The following KDM5B variants were observed in gnomAD, a reference collection of about 807,000 sequenced individuals.
KDM5B encodes the protein lysine-specific demethylase 5B.
A neutral mutation model predicts 193.4 loss-of-function variants in KDM5B; 144 were observed. That is an observed-to-expected ratio of 0.74 (90% CI 0.65 to 0.86). The LOEUF (loss-of-function observed/expected upper bound fraction) is 0.86, where lower values mean the gene tolerates loss of function less well. KDM5B is among the 40% of genes least tolerant of loss of function. KDM5B has a pLI of 0.00. For synonymous variants in KDM5B, 668 were observed against 682.6 expected (o/e 0.98, Z 0.33); for missense variants, 1,833 against 1,886.9 (o/e 0.97, Z 0.53).
intron 8 of KDM5B, among the ~76,000 whole-genome samples, chr1:202,759,732 GAA>G (rs1258563319): frequency 6.6e-6 from 1 of 152,018 alleles, no homozygotes; most frequent in Non-Finnish European, 1.5e-5. Flanking sequence ...GTTTAAAATA[GAA>G]AAAAGTCTGG....
intron 1 of KDM5B, among the ~76,000 whole-genome samples, chr1:202,805,382 C>CTA (rs1658250222): frequency 6.6e-6 from 1 of 152,154 alleles, no homozygotes; most frequent in African/African-American, 2.4e-5. Flanking sequence ...TGTAAGTACT[C>CTA]TAAGTTTTCA....
At chr1:202,733,274 TA>T in intron 23 of KDM5B, 126 bp downstream of exon 23, 2 of 984,104 alleles carry the variant, frequency 2.0e-6, no homozygotes, top group Admixed American at 5.1e-5. Context: ...AAGCTACAGG[TA>T]AAGTGGGTGC....
Position 202,731,926 on chromosome 1 carries a change from GGAGGTT to G in KDM5B, c.3917_3922del (p.Gln1306_Pro1307del). On this transcript the variant is annotated inframe_deletion, in exon 24 of 27. Coordinates refer to ENST00000367265, the MANE Select transcript of KDM5B (RefSeq NM_006618.5). ...AGGCAAAGAAAATGATGTTGTGCCA[GGAGGTT>G]GAGATACCTAATGGAGGGAAAACGT... 1 of 1,611,994 alleles carries G rather than the reference GGAGGTT, an allele frequency of 6.2e-7. No homozygotes were observed.
At chr1:202,780,164 TTTTG>T (rs1253270743) in intron 1 of KDM5B, among the ~76,000 whole-genome samples, 4 of 151,928 alleles carry the variant, frequency 2.6e-5, no homozygotes, top group Non-Finnish European at 5.9e-5. Flanking sequence ...GACCCAGCAG[TTTTG>T]TTTATTTTTA....
chr1:202,730,526 T>A (rs928882875), intron 25 of KDM5B, among the ~76,000 whole-genome samples: 7 of 152,126 alleles, frequency 4.6e-5, no homozygotes, highest in Non-Finnish European at 7.4e-5. Flanking sequence ...CCATACTACT[T>A]GGTATGGCAA....
intron 4 of KDM5B, among the ~76,000 whole-genome samples, chr1:202,769,238 G>A (rs61822782): frequency 0.39 from 58,147 of 147,450 alleles, 13,656 homozygotes; most frequent in Middle Eastern, 0.52. Flanking sequence ...GGGTTTCACC[G>A]TGTTATCCAG....
intron 21 of KDM5B, among the ~76,000 whole-genome samples, 162 bp from the exon 22 acceptor site, chr1:202,735,749 G>A (rs952203068): frequency 2.6e-5 from 4 of 152,204 alleles, no homozygotes; most frequent in African/African-American, 9.7e-5. Context: ...TTTACAAAAG[G>A]AGGAGGAAGA....
chr1:202,746,151 T>C lies in KDM5B; in HGVS notation c.2189A>G (p.Tyr730Cys). The part of the protein sequence containing the change: ...KELCSCPPYK[Y>C]KLRYRYTLDD... ...CGTTCTTCCTACTTACCGCAATTTA[T>C]ATTTGTAAGGAGGACAGGAACACAA... Residue 730 changes from tyrosine (Y) to cysteine (C), a missense_variant, in exon 15 of 27, where the codon TAT becomes TGT. Physicochemically the swap from Tyr to Cys is radical, Grantham distance 194 (BLOSUM62 -2). This residue lies in a region of KDM5B where 1,379 missense variants were observed against 1,349.6 expected (regional missense o/e 1.02). Transcript: ENST00000367265. The C allele has an allele frequency of 6.2e-7, 1 of 1,605,702 alleles. No individual in the cohort carries two copies. Among genetic ancestry groups the C allele is most frequent in the Non-Finnish European group, 8.5e-7 (1 of 1,177,066 alleles).
intron 12 of KDM5B, among the ~76,000 whole-genome samples, chr1:202,751,400 C>A (rs1655786003): frequency 6.6e-6 from 1 of 152,138 alleles, no homozygotes; most frequent in South Asian, 2.1e-4. Context: ...AAATGCAAAT[C>A]CTGAAGCCCC....
At chr1:202,795,669 G>GTTT (rs1558519223) in intron 1 of KDM5B, among the ~76,000 whole-genome samples, 2 of 151,480 alleles carry the variant, frequency 1.3e-5, no homozygotes, top group Non-Finnish European at 2.9e-5. Context: ...AAAAAGAGGG[G>GTTT]ACTACTCTCT....
intron 4 of KDM5B, among the ~76,000 whole-genome samples, chr1:202,772,396 A>T (rs1171633549): frequency 6.6e-6 from 1 of 152,194 alleles, no homozygotes; most frequent in Non-Finnish European, 1.5e-5. Context: ...AGCATTATAA[A>T]ATCCCCTTTT....
intron 1 of KDM5B, among the ~76,000 whole-genome samples, chr1:202,805,298 A>C (rs1282273153): frequency 1.3e-5 from 2 of 152,236 alleles, no homozygotes; most frequent in Non-Finnish European, 2.9e-5. Context: ...TCTTGACTTA[A>C]TCACGTTTTC....
intron 26 of KDM5B, 74 bp downstream of exon 26, chr1:202,729,633 G>A: frequency 7.7e-7 from 1 of 1,292,896 alleles, no homozygotes. Context: ...GAAAGACCCA[G>A]CGAGATGAGG....
At chr1:202,798,481 G>A (rs1397539227) in intron 1 of KDM5B, among the ~76,000 whole-genome samples, 1 of 151,450 alleles carries the variant, frequency 6.6e-6, no homozygotes, top group Admixed American at 6.6e-5. Context: ...GGGGTTGCGG[G>A]GTGCGGTTTG....
At chr1:202,739,205 C>A (rs182796547) in intron 20 of KDM5B, among the ~76,000 whole-genome samples, 243 of 152,304 alleles carry the variant, frequency 1.6e-3, no homozygotes, top group African/African-American at 5.5e-3. Flanking sequence ...ATTGTTAGCT[C>A]TTTTGCTTCA....
intron 2 of KDM5B, among the ~76,000 whole-genome samples, chr1:202,775,773 T>C (rs896867530): frequency 1.4e-5 from 2 of 140,234 alleles, no homozygotes; most frequent in African/African-American, 5.4e-5. Flanking sequence ...GGAGAATCAC[T>C]TGAACCTAAG....
intron 1 of KDM5B, among the ~76,000 whole-genome samples, chr1:202,781,337 G>A (rs80008256): frequency 6.6e-6 from 1 of 152,306 alleles, no homozygotes; most frequent in Non-Finnish European, 1.5e-5. Context: ...TTTTGTTTTA[G>A]TGATAACAAA....
At chr1:202,731,325 C>G (rs1572703127) in intron 24 of KDM5B, among the ~76,000 whole-genome samples, 1 of 152,230 alleles carries the variant, frequency 6.6e-6, no homozygotes, top group East Asian at 1.9e-4. Context: ...TACCTTATTG[C>G]TAATGCAGAA....
rs571782843 is a variant in KDM5B at position 202,758,708 on chromosome 1, T to C, written c.1078-198A>G. 3.9e-5 allele frequency among the ~76,000 whole-genome samples: 6 copies of C among 152,366 alleles called. No individual in the cohort carries two copies. The South Asian group carries it at 8.3e-4, about 21-fold the overall frequency. On this transcript the variant is annotated intron_variant, in intron 8 of 26. Coordinates refer to ENST00000367265, the MANE Select transcript of KDM5B (RefSeq NM_006618.5). Reference sequence around the variant, plus strand: ...AGTGAAATACATTTTATTTATTTGCTAATGAGCAAATAAAATGTCAATTTT... The same window carrying C: ...AGTGAAATACATTTTATTTATTTGCCAATGAGCAAATAAAATGTCAATTTT...
Sources: gnomAD v4.1 joint callset for allele counts (sites outside exome capture counted in the v4.1 genomes callset) on GRCh38, gnomAD v4.1.1 for gene constraint, gnomAD v4.1.1 regional missense constraint, MANE v1.5 for transcripts, NCBI Gene and HGNC (gene_info 2026-07-23, HGNC 2026-07-21) for gene names.